SMG1: variants seen among roughly 807,000 people sequenced by gnomAD.
SMG1 encodes serine/threonine-protein kinase SMG1.
A neutral mutation model predicts 419.9 loss-of-function variants in SMG1; 22 were observed. That is an observed-to-expected ratio of 0.05 (90% CI 0.04 to 0.07). The LOEUF (loss-of-function observed/expected upper bound fraction) is 0.07, where lower values mean the gene tolerates loss of function less well. SMG1 is among the 10% of genes least tolerant of loss of function. SMG1 has a pLI of 1.00. For missense variants in SMG1, 3,185 were observed against 4,342.0 expected, an observed-to-expected ratio of 0.73 and a Z score of 7.49; for synonymous variants, 1,538 against 1,553.5, an observed-to-expected ratio of 0.99 and a Z score of 0.23.
At chr16:18,869,353 T>C in intron 19 of SMG1, 50 bp from the exon 20 acceptor site, 1 of 1,440,762 alleles carries the variant, frequency 6.9e-7, no homozygotes, top group South Asian at 1.3e-5. Flanking sequence ...TTCATTTTAA[T>C]AATGAAAAAA....
chr16:18,829,505 G>C lies in SMG1; in HGVS notation c.9384C>G (p.Ala3128=). 2 of 1,613,852 alleles carry C rather than the reference G, an allele frequency of 1.2e-6. No individual in the cohort carries two copies. Among genetic ancestry groups the C allele is most frequent in the African/African-American group, 1.3e-5 (1 of 74,992 alleles). ...IAQVEAKDFG[A]ESKVSVDDLC... is the part of the protein sequence containing the mutation. ...GATCATCAACAGAAACTTTGCTTTC[G>C]GCACCAAAGTCCTTTGCCTCTACTT... The change falls in exon 54 of 63, where the codon GCC becomes GCG. Residue 3128 remains alanine (A), a synonymous_variant. Transcript: ENST00000446231.
Position 18,830,460 on chromosome 16 carries a change from CTG to C in SMG1, c.8793-93_8793-92del, listed in dbSNP as rs1446427150. The C allele has an allele frequency of 5.1e-6, 7 of 1,380,578 alleles. No homozygotes were observed. The African/African-American group carries it at 8.7e-5, about 17-fold the overall frequency. 85.5% of individuals were successfully genotyped at this position (1,380,578 alleles called of 1,614,324 possible). ...AGTCAGTACATCTCACAGCTGCATG[CTG>C]TGAGAGTCTAGAAAGCCTTCTGGCA... is the stretch of plus-strand genomic sequence containing the variant. On this transcript the variant is annotated intron_variant, in intron 51 of 62. Coordinates refer to ENST00000446231, the MANE Select transcript of SMG1 (RefSeq NM_015092.5).
chr16:18,847,308 CGTGGT>C, intron 38 of SMG1, 140 bp downstream of exon 38: 2 of 791,982 alleles, frequency 2.5e-6, no homozygotes, highest in Non-Finnish European at 2.0e-6. Flanking sequence ...GGAAATGGAC[CGTGGT>C]GATGGTTGTA....
At chr16:18,863,588 C>G (rs2035324356) in intron 25 of SMG1, 62 bp downstream of exon 25, 2 of 1,413,212 alleles carry the variant, frequency 1.4e-6, no homozygotes, top group African/African-American at 2.8e-5. Context: ...TATTTTCTTG[C>G]CATAGGAAAA....
rs952246394 is a variant in SMG1 at position 18,881,146 on chromosome 16, A to T, written c.1293+1019T>A. Among the ~76,000 whole-genome samples the T allele has an allele frequency of 2.5e-4, 36 of 143,166 alleles. No homozygotes were observed. The East Asian group carries it at 2.8e-3, about 11-fold the overall frequency. The allele number at this position is 143,166 out of a possible 152,430, so 93.9% of individuals were successfully genotyped here. ...AAAAAAATTAAATTAAATTAAATTT[A>T]AAAAAAAAAAACCACCATTCTACCA... On this transcript the variant is annotated intron_variant, in intron 10 of 62. Transcript: ENST00000446231.
At chr16:18,812,649 C>CACATAT (rs759379058) in intron 60 of SMG1, among the ~76,000 whole-genome samples, 13,420 of 123,564 alleles carry the variant, frequency 0.11, 862 homozygotes, top group Non-Finnish European at 0.15. Flanking sequence ...TACACATATA[C>CACATAT]ACACACACAC....
At chr16:18,911,853 G>A (rs901390017) in intron 1 of SMG1, 5 of 151,994 alleles carry the variant, frequency 3.3e-5, no homozygotes, top group Admixed American at 6.5e-5. Context: ...AGGCTGAAGC[G>A]GATGTATCAC....
rs2037149472 is a variant in SMG1 at position 18,896,828 on chromosome 16, G to T, written c.221C>A (p.Thr74Asn). 3.7e-6 allele frequency: 6 copies of T among 1,609,196 alleles called. No homozygotes were observed. The Admixed American group carries it at 1.0e-4, about 27-fold the overall frequency. Reference protein sequence around the residue: ...AVVSRQRHDDTRVHADIQNDE... With the variant: ...AVVSRQRHDDNRVHADIQNDE... The stretch of plus-strand genomic sequence containing the variant: ...ATTCTGTATGTCAGCGTGGACTCTG[G>T]TATCATCGTGCCTTTGCCGAGACAC... The change falls in exon 2 of 63, where the codon ACC becomes AAC. Residue 74 changes from threonine (T) to asparagine (N), a missense_variant. By Grantham distance (65) the Thr-to-Asn change is moderately conservative. Transcript: ENST00000446231.
At chr16:18,893,204 C>T (rs1446964378) in intron 3 of SMG1, among the ~76,000 whole-genome samples, 2 of 152,268 alleles carry the variant, frequency 1.3e-5, no homozygotes, top group African/African-American at 2.4e-5. Context: ...TAATTATCAT[C>T]TACCACATGC....
Position 18,808,025 on chromosome 16 carries a change from T to C in SMG1, c.*1544A>G, listed in dbSNP as rs1274245842. 1 of 152,328 alleles carries C rather than the reference T, an allele frequency of 6.6e-6. No individual in the cohort carries two copies. The highest frequency in any genetic ancestry group is 1.5e-5 in the Non-Finnish European group (1 of 68,124). 9.4% of individuals were successfully genotyped at this position (152,328 alleles called of 1,614,324 possible). A position where few individuals can be genotyped will look rare whatever the true frequency, so the allele number is the denominator to read the frequency against. On this transcript the variant is annotated 3_prime_UTR_variant, in exon 63 of 63. Transcript: ENST00000446231. Reference sequence around the variant, plus strand: ...ATCCGCCCGCCTCGGCCTCCCAAAGTGCTGGGATTACAGGCGTGAGCCACT... The same window carrying C: ...ATCCGCCCGCCTCGGCCTCCCAAAGCGCTGGGATTACAGGCGTGAGCCACT...
Position 18,864,187 on chromosome 16 carries a change from C to CTTTA in SMG1, c.3351-44_3351-43insTAAA. 3 of 596,846 alleles carry CTTTA rather than the reference C, an allele frequency of 5.0e-6. No homozygotes were observed. In the African/African-American group the frequency reaches 9.3e-5, roughly 18 times the overall value. 37.0% of individuals were successfully genotyped at this position (596,846 alleles called of 1,614,324 possible). ...GCAGTCTTATTTATTTATCTACTTACTTTTTTTTTTTTTTTTTTTTTTTTT... is the reference window on the plus strand; with the variant it reads ...GCAGTCTTATTTATTTATCTACTTACTTTATTTTTTTTTTTTTTTTTTTTTTTTT... On this transcript the variant is annotated intron_variant, in intron 23 of 62. Coordinates refer to ENST00000446231, the MANE Select transcript of SMG1 (RefSeq NM_015092.5).
chr16:18,831,050 C>T (rs56367514), intron 51 of SMG1, among the ~76,000 whole-genome samples: 9 of 152,228 alleles, frequency 5.9e-5, no homozygotes, highest in Non-Finnish European at 8.8e-5. Context: ...CTACAAGATA[C>T]GATACAACCA....
At chr16:18,820,200 A>G (rs1485919999) in intron 55 of SMG1, among the ~76,000 whole-genome samples, 2 of 151,988 alleles carry the variant, frequency 1.3e-5, no homozygotes, top group Non-Finnish European at 2.9e-5. Context: ...TCCTGACCTC[A>G]TGATCCACCC....
chr16:18,836,409 T>C lies in SMG1; in HGVS notation c.7728A>G (p.Ala2576=), dbSNP rs1428428098. The C allele has an allele frequency of 6.2e-7, 1 of 1,614,072 alleles. No individual in the cohort carries two copies. The highest frequency in any genetic ancestry group is 8.5e-7 in the Non-Finnish European group (1 of 1,179,898). Residue 2576 remains alanine (A), a synonymous_variant, in exon 47 of 63, where the codon GCA becomes GCG. Coordinates refer to ENST00000446231, the MANE Select transcript of SMG1 (RefSeq NM_015092.5). ...CTTGAAGCAAGCTTGCAAGCTGTGT[T>C]GCTTCTAAATTATTGAATGCAGCCT... ...HYQAAFNNLE[A]TQLASLLQEI...
At chr16:18,879,991 C>G (rs945598700) in intron 10 of SMG1, among the ~76,000 whole-genome samples, 2 of 152,150 alleles carry the variant, frequency 1.3e-5, no homozygotes, top group Non-Finnish European at 2.9e-5. Flanking sequence ...TTCGTTTCTC[C>G]CAATGTCACT....
intron 51 of SMG1, 100 bp downstream of exon 51, chr16:18,832,840 C>CT: frequency 9.4e-7 from 1 of 1,066,874 alleles, no homozygotes; most frequent in Non-Finnish European, 1.4e-6. Context: ...TATACCTGCT[C>CT]TAAAAACTAA....
chr16:18,827,574 C>T lies in SMG1; in HGVS notation c.9741+457G>A, dbSNP rs1376167922. On this transcript the variant is annotated intron_variant, in intron 55 of 62. Coordinates refer to ENST00000446231, the MANE Select transcript of SMG1 (RefSeq NM_015092.5). Reference sequence around the variant, plus strand: ...TTTATATATCTTTGGTATAAATATACCAAAATATATATTTTTAGATATATT... The same window carrying T: ...TTTATATATCTTTGGTATAAATATATCAAAATATATATTTTTAGATATATT... 5.3e-5 allele frequency among the ~76,000 whole-genome samples: 7 copies of T among 133,088 alleles called. No homozygotes were observed. The East Asian group carries it at 1.3e-3, about 25-fold the overall frequency. 87.3% of individuals were successfully genotyped at this position (133,088 alleles called of 152,430 possible). A position where few individuals can be genotyped will look rare whatever the true frequency, so the allele number is the denominator to read the frequency against.
intron 1 of SMG1, among the ~76,000 whole-genome samples, chr16:18,914,289 T>C (rs138550839): frequency 1.3e-5 from 2 of 152,204 alleles, no homozygotes; most frequent in African/African-American, 2.4e-5. Context: ...AACATAATAA[T>C]AACATGAATA....
At chr16:18,845,948 T>C (rs2034238899) in intron 38 of SMG1, among the ~76,000 whole-genome samples, 1 of 151,994 alleles carries the variant, frequency 6.6e-6, no homozygotes, top group Non-Finnish European at 1.5e-5. Flanking sequence ...CCTGAGTAGC[T>C]GCGACTACAC....
Sources: gnomAD v4.1 joint callset for allele counts (sites outside exome capture counted in the v4.1 genomes callset) on GRCh38, gnomAD v4.1.1 for gene constraint, MANE v1.5 for transcripts, NCBI Gene and HGNC (gene_info 2026-07-23, HGNC 2026-07-21) for gene names.